ARHGEF33: variants seen among roughly 807,000 people sequenced by gnomAD.
The protein encoded by ARHGEF33 is Rho guanine nucleotide exchange factor 33.
In ARHGEF33, 72 loss-of-function variants were observed where a neutral mutation model predicts 101.9. That is an observed-to-expected ratio of 0.71 (90% CI 0.58 to 0.86). ARHGEF33 has a LOEUF of 0.86. Ranked by LOEUF, ARHGEF33 falls within the 40% of genes least tolerant of loss-of-function variation. The probability of loss-of-function intolerance (pLI) is 0.00; values close to 1 mark genes in which losing one functional copy is unlikely to be tolerated. For synonymous variants in ARHGEF33, 499 were observed against 442.5 expected, an observed-to-expected ratio of 1.13 and a Z score of -1.60; for missense variants, 1,169 against 1,111.3, an observed-to-expected ratio of 1.05 and a Z score of -0.74.
At chr2:38,909,492 C>CTTTTTT (rs768568418) in intron 2 of ARHGEF33, among the ~76,000 whole-genome samples, 2 of 117,402 alleles carry the variant, frequency 1.7e-5, no homozygotes, top group Non-Finnish European at 3.6e-5. Context: ...TGGCTAATTT[C>CTTTTTT]TTTTTTTTTT....
intron 2 of ARHGEF33, among the ~76,000 whole-genome samples, chr2:38,908,880 T>C (rs1666450946): frequency 6.6e-6 from 1 of 152,184 alleles, no homozygotes; most frequent in Non-Finnish European, 1.5e-5. Flanking sequence ...TTTTTCCTAA[T>C]AAAAATAATC....
chr2:38,929,164 C>G, intron 5 of ARHGEF33, 93 bp downstream of exon 5: 1 of 934,976 alleles, frequency 1.1e-6, no homozygotes, highest in South Asian at 1.7e-5. Flanking sequence ...GGCGTGGTGG[C>G]TCACGCCTGT....
intron 1 of ARHGEF33, among the ~76,000 whole-genome samples, chr2:38,892,663 G>C (rs555860044): frequency 6.6e-6 from 1 of 152,296 alleles, no homozygotes; most frequent in African/African-American, 2.4e-5. Flanking sequence ...CCTCCTTTTA[G>C]TCTCCTGGTT....
At chr2:38,921,496 G>A (rs145698222) in intron 4 of ARHGEF33, 73 bp downstream of exon 4, 30 of 1,038,854 alleles carry the variant, frequency 2.9e-5, no homozygotes, top group Non-Finnish European at 3.8e-5. Context: ...ATGTGTACAC[G>A]TTTTTAGCAC....
intron 1 of ARHGEF33, among the ~76,000 whole-genome samples, chr2:38,891,139 G>C (rs1487322633): frequency 6.6e-6 from 1 of 151,992 alleles, no homozygotes; most frequent in East Asian, 1.9e-4. Flanking sequence ...TCGTCATGTT[G>C]CTCAGGTTGG....
At chr2:38,905,183 C>T (rs1053214026) in intron 2 of ARHGEF33, among the ~76,000 whole-genome samples, 9 of 148,178 alleles carry the variant, frequency 6.1e-5, no homozygotes, top group South Asian at 2.1e-4. Context: ...TTCATTTAGC[C>T]GAAAAAAAAA....
At chr2:38,907,162 G>T (rs1050176452) in intron 2 of ARHGEF33, among the ~76,000 whole-genome samples, 2 of 152,174 alleles carry the variant, frequency 1.3e-5, no homozygotes, top group East Asian at 3.9e-4. Flanking sequence ...GTAGGGGAAA[G>T]TGCTGTGGTT....
Position 38,960,128 on chromosome 2 carries a change from T to A in ARHGEF33, c.1823T>A (p.Phe608Tyr). Residue 608 changes from phenylalanine to tyrosine, a missense_variant, in exon 16 of 18, where the codon TTC (phenylalanine) becomes TAC (tyrosine). Physicochemically the swap from Phe to Tyr is conservative, Grantham distance 22. Coordinates refer to ENST00000409978, the MANE Select transcript of ARHGEF33 (RefSeq NM_001145451.5). Reference protein sequence around the residue: ...PAELLPDARGFVPAAYEEFEY... With the variant: ...PAELLPDARGYVPAAYEEFEY... ...GAGCTCCTGCCCGATGCCCGCGGCT[T>A]CGTGCCCGCGGCCTACGAAGAGTTC... 1 of 1,542,384 alleles carries A rather than the reference T, an allele frequency of 6.5e-7. No homozygotes were observed. The highest frequency in any genetic ancestry group is 8.7e-7 in the Non-Finnish European group (1 of 1,145,402).
At chr2:38,917,608 C>T (rs912463650) in intron 2 of ARHGEF33, among the ~76,000 whole-genome samples, 10 of 151,708 alleles carry the variant, frequency 6.6e-5, no homozygotes, top group Non-Finnish European at 8.8e-5. Context: ...GGAGGGGAGT[C>T]GCTTGAGCCC....
Position 38,960,233 on chromosome 2 carries a change from G to A in ARHGEF33, c.1928G>A (p.Cys643Tyr). ...PFQAPALFEN[C>Y]SPASSESSLD... ...CAGGCTCCGGCCCTCTTCGAGAACTGCTCGCCTGCCTCCTCCGAGTCCAGC... is the reference window on the plus strand; with the variant it reads ...CAGGCTCCGGCCCTCTTCGAGAACTACTCGCCTGCCTCCTCCGAGTCCAGC... The change falls in exon 16 of 18, where the codon TGC becomes TAC. Residue 643 changes from cysteine to tyrosine, a missense_variant. Cys to Tyr is a radical substitution (Grantham distance 194). Coordinates refer to ENST00000409978, the MANE Select transcript of ARHGEF33 (RefSeq NM_001145451.5). 2 of 1,547,768 alleles carry A rather than the reference G, an allele frequency of 1.3e-6. No individual in the cohort carries two copies. The highest frequency in any genetic ancestry group is 1.7e-4 in the Middle Eastern group (1 of 5,970).
At chr2:38,894,851 G>A (rs925092351) in intron 1 of ARHGEF33, among the ~76,000 whole-genome samples, 4 of 152,178 alleles carry the variant, frequency 2.6e-5, no homozygotes, top group Admixed American at 1.3e-4. Flanking sequence ...AATACTGGGT[G>A]GCAACTAGCA....
intron 2 of ARHGEF33, among the ~76,000 whole-genome samples, chr2:38,910,230 A>G (rs1004309554): frequency 2.0e-5 from 3 of 152,208 alleles, no homozygotes; most frequent in African/African-American, 7.2e-5. Flanking sequence ...AACAAATTTC[A>G]ATAATGTATG....
chr2:38,902,772 G>T (rs573278611), intron 2 of ARHGEF33, among the ~76,000 whole-genome samples: 20 of 152,270 alleles, frequency 1.3e-4, no homozygotes, highest in Admixed American at 2.6e-4. Context: ...TCATGAGGGG[G>T]CACTGATAAG....
chr2:38,958,230 C>T (rs749545598), intron 15 of ARHGEF33, 32 bp downstream of exon 15: 15 of 1,549,812 alleles, frequency 9.7e-6, no homozygotes, highest in Non-Finnish European at 1.3e-5. Context: ...AAGGTTAATG[C>T]CAATGCCTTT....
chr2:38,901,910 T>C (rs1449674117), intron 2 of ARHGEF33, among the ~76,000 whole-genome samples: 2 of 152,018 alleles, frequency 1.3e-5, no homozygotes, highest in Non-Finnish European at 2.9e-5. Flanking sequence ...GGTCAGGAGA[T>C]CGAGACCATC....
At chr2:38,968,548 A>C (rs182388570) in intron 17 of ARHGEF33, among the ~76,000 whole-genome samples, 173 of 152,252 alleles carry the variant, frequency 1.1e-3, no homozygotes, top group Non-Finnish European at 2.1e-3. Context: ...GGGCTCTCCA[A>C]GTTCATGTTG....
Position 38,943,933 on chromosome 2 carries a change from G to C in ARHGEF33, c.823G>C (p.Glu275Gln). Reference sequence around the variant, plus strand: ...ACAGACTGTGGCCCTGGAACTGCTTGAATCTGAAAGAAAATATGTCATTAA... The same window carrying C: ...ACAGACTGTGGCCCTGGAACTGCTTCAATCTGAAAGAAAATATGTCATTAA... The part of the protein sequence containing the change: ...KRQTVALELL[E>Q]SERKYVINIS... The change falls in exon 10 of 18, where the codon GAA becomes CAA. Residue 275 changes from glutamate (E) to glutamine (Q), a missense_variant. By Grantham distance (29) the Glu-to-Gln change is conservative. Transcript: ENST00000409978. The C allele has an allele frequency of 6.4e-7, 1 of 1,551,916 alleles. No individual in the cohort carries two copies. Among genetic ancestry groups the C allele is most frequent in the Non-Finnish European group, 8.7e-7 (1 of 1,147,010 alleles).
At chr2:38,903,544 C>A (rs537640821) in intron 2 of ARHGEF33, among the ~76,000 whole-genome samples, 2 of 151,960 alleles carry the variant, frequency 1.3e-5, no homozygotes, top group South Asian at 4.2e-4. Flanking sequence ...GGCAAGCCCT[C>A]CAGGTGTTAA....
At chr2:38,914,026 C>T (rs147051978) in intron 2 of ARHGEF33, among the ~76,000 whole-genome samples, 16 of 152,128 alleles carry the variant, frequency 1.1e-4, no homozygotes, top group African/African-American at 3.9e-4. Flanking sequence ...TCAATAGCAC[C>T]AGCAATCAGC....
Sources: allele counts gnomAD v4.1 joint callset (sites outside exome capture counted in the v4.1 genomes callset), GRCh38; gene constraint gnomAD v4.1.1; transcripts MANE v1.5; gene names NCBI Gene and HGNC (gene_info 2026-07-23, HGNC 2026-07-21).